The following PARD3B variants were observed in gnomAD, a reference collection of about 807,000 sequenced individuals.
PARD3B encodes par-3 family cell polarity regulator beta.
Under a neutral mutation model 130.2 loss-of-function variants are expected in PARD3B, and 103 were observed. The ratio of observed to expected loss-of-function variants is 0.79; its 90% CI spans 0.67 to 0.93. PARD3B has a LOEUF of 0.93. PARD3B is among the 40% of genes least tolerant of loss of function. The probability of loss-of-function intolerance (pLI) is 0.00; values close to 1 mark genes in which losing one functional copy is unlikely to be tolerated. For synonymous variants in PARD3B, 583 were observed against 553.2 expected (o/e 1.05, Z -0.76); for missense variants, 1,609 against 1,499.2 (o/e 1.07, Z -1.21).
chr2:205,440,610 C>A lies in PARD3B; in HGVS notation c.2982C>A (p.Asp994Glu), dbSNP rs371223739. ...RDGHPLSPERDHLEGLYAKVN... is the reference protein window; with the variant it reads ...RDGHPLSPEREHLEGLYAKVN... ...GCCATCCACTGTCTCCAGAAAGAGACCACTTAGAGGGTCTCTATGCCAAGG... is the reference window on the plus strand; with the variant it reads ...GCCATCCACTGTCTCCAGAAAGAGAACACTTAGAGGGTCTCTATGCCAAGG... The change falls in exon 20 of 23, where the codon GAC (aspartate) becomes GAA (glutamate). Residue 994 changes from aspartate (D) to glutamate (E), a missense_variant. By Grantham distance (45) the Asp-to-Glu change is conservative. Transcript: ENST00000406610. This position sits in a 1 kb window ranked among gnomAD's most constrained non-coding sequence, Gnocchi z 4.2. 1 of 1,614,000 alleles carries A rather than the reference C, an allele frequency of 6.2e-7. No individual in the cohort carries two copies. The highest frequency in any genetic ancestry group is 1.3e-5 in the African/African-American group (1 of 75,028).
chr2:205,358,036 T>A (rs546187981), intron 18 of PARD3B, among the ~76,000 whole-genome samples: 3 of 152,298 alleles, frequency 2.0e-5, no homozygotes, highest in African/African-American at 7.2e-5. Context: ...CTTTCAAAGA[T>A]GAGAAGGACG....
chr2:205,022,945 G>C (rs1696731488), intron 3 of PARD3B, among the ~76,000 whole-genome samples: 1 of 152,132 alleles, frequency 6.6e-6, no homozygotes, highest in East Asian at 1.9e-4. Flanking sequence ...GGTTTCAACA[G>C]CTATTTATTT....
At chr2:205,429,926 A>G (rs2047272064) in intron 19 of PARD3B, among the ~76,000 whole-genome samples, 1 of 152,192 alleles carries the variant, frequency 6.6e-6, no homozygotes, top group South Asian at 2.1e-4. Context: ...TTCTTAGCTT[A>G]TAGACACATG....
At chr2:204,736,821 A>G (rs755761733) in intron 2 of PARD3B, among the ~76,000 whole-genome samples, 1 of 152,220 alleles carries the variant, frequency 6.6e-6, no homozygotes, top group African/African-American at 2.4e-5. Context: ...ATTAAATGGT[A>G]GATCTACTTT....
At chr2:205,340,581 A>G (rs561025313) in intron 18 of PARD3B, among the ~76,000 whole-genome samples, 7 of 152,244 alleles carry the variant, frequency 4.6e-5, no homozygotes, top group Admixed American at 1.3e-4. Context: ...ATCTCTCACC[A>G]TATACAAAAA....
intron 4 of PARD3B, among the ~76,000 whole-genome samples, chr2:205,085,794 G>A (rs976980014): frequency 3.3e-5 from 5 of 151,550 alleles, no homozygotes; most frequent in Non-Finnish European, 7.4e-5. Flanking sequence ...TATATTTGAA[G>A]GTATTTAATT....
chr2:205,214,061 C>A (rs2037785594), intron 15 of PARD3B, among the ~76,000 whole-genome samples: 1 of 151,894 alleles, frequency 6.6e-6, no homozygotes, highest in Admixed American at 6.6e-5. Context: ...CTTTTGTATT[C>A]CTCTGTATCT....
chr2:205,587,947 G>A (rs1433153300), intron 22 of PARD3B, among the ~76,000 whole-genome samples: 1 of 152,228 alleles, frequency 6.6e-6, no homozygotes, highest in Non-Finnish European at 1.5e-5. Context: ...TTCCTAAAGG[G>A]CAGGGAAGGC....
chr2:204,996,941 G>A (rs993207169), intron 3 of PARD3B, among the ~76,000 whole-genome samples: 6 of 151,908 alleles, frequency 3.9e-5, no homozygotes, highest in Non-Finnish European at 7.4e-5. Flanking sequence ...GCTTCGGCTC[G>A]CACATGGTGC....
intron 20 of PARD3B, among the ~76,000 whole-genome samples, chr2:205,442,488 A>G (rs2047753772): frequency 6.6e-6 from 1 of 151,938 alleles, no homozygotes. Flanking sequence ...TTTTTAGTAG[A>G]GACAGGGTTT....
intron 22 of PARD3B, among the ~76,000 whole-genome samples, chr2:205,600,047 C>T (rs1200280427): frequency 2.6e-5 from 4 of 152,166 alleles, no homozygotes; most frequent in Non-Finnish European, 5.9e-5. Flanking sequence ...CAGTTCTGCA[C>T]TGCTGACCTG....
chr2:204,573,822 G>A (rs568882952), intron 1 of PARD3B, among the ~76,000 whole-genome samples: 120 of 152,276 alleles, frequency 7.9e-4, no homozygotes, highest in Non-Finnish European at 1.3e-3. Flanking sequence ...CTTAGTTTCT[G>A]CTCTTGGGCA....
intron 22 of PARD3B, among the ~76,000 whole-genome samples, chr2:205,609,045 A>G (rs977363429): frequency 8.5e-5 from 13 of 152,234 alleles, no homozygotes; most frequent in Admixed American, 4.6e-4. Flanking sequence ...ATTTTTTTCC[A>G]TAATCATTTC....
At chr2:205,283,760 T>C (rs1046665055) in intron 16 of PARD3B, among the ~76,000 whole-genome samples, 5 of 152,214 alleles carry the variant, frequency 3.3e-5, no homozygotes, top group African/African-American at 1.2e-4. Flanking sequence ...CATTTTTAAG[T>C]GTACAGTTCA....
chr2:205,402,411 G>C (rs772498332), intron 19 of PARD3B, among the ~76,000 whole-genome samples: 31 of 152,140 alleles, frequency 2.0e-4, no homozygotes, highest in Non-Finnish European at 3.5e-4. Flanking sequence ...ATAGATCTTT[G>C]CTGCTCCCTT....
At chr2:204,876,448 G>A (rs1007232604) in intron 2 of PARD3B, among the ~76,000 whole-genome samples, 17 of 152,210 alleles carry the variant, frequency 1.1e-4, no homozygotes, top group African/African-American at 3.9e-4. Context: ...ACTGTCGTTG[G>A]ATTGAGTTGA....
chr2:204,743,077 A>T (rs887952806), intron 2 of PARD3B, among the ~76,000 whole-genome samples: 8 of 152,146 alleles, frequency 5.3e-5, no homozygotes, highest in African/African-American at 1.9e-4. Flanking sequence ...TTGGAATAGT[A>T]ATTTAGTTAT....
At chr2:205,030,195 G>C (rs1445627726) in intron 3 of PARD3B, among the ~76,000 whole-genome samples, 3 of 152,096 alleles carry the variant, frequency 2.0e-5, no homozygotes, top group Non-Finnish European at 4.4e-5. Flanking sequence ...GACAGAGATA[G>C]TCCCCTGAGG....
chr2:204,616,757 A>G (rs951065570), intron 1 of PARD3B, among the ~76,000 whole-genome samples: 1 of 152,226 alleles, frequency 6.6e-6, no homozygotes, highest in Non-Finnish European at 1.5e-5. Context: ...AAATGATGGT[A>G]CATCCAGACA....
Sources: allele counts gnomAD v4.1 joint callset (sites outside exome capture counted in the v4.1 genomes callset), GRCh38; gene constraint gnomAD v4.1.1; non-coding constraint Gnocchi (gnomAD v3.1); transcripts MANE v1.5; gene names NCBI Gene and HGNC (gene_info 2026-07-23, HGNC 2026-07-21).